Variants in LRSAM1 observed in about 807,000 individuals in gnomAD.
LRSAM1 encodes E3 ubiquitin-protein ligase LRSAM1.
In LRSAM1, 96 loss-of-function variants were observed where a neutral mutation model predicts 118.1. That is an observed-to-expected ratio of 0.81 (90% CI 0.69 to 0.96). LRSAM1 has a LOEUF of 0.96. Ranked by LOEUF, LRSAM1 falls within the 40% of genes least tolerant of loss-of-function variation. The probability of loss-of-function intolerance (pLI) is 0.00; values close to 1 mark genes in which losing one functional copy is unlikely to be tolerated. For synonymous variants in LRSAM1, 322 were observed against 364.2 expected (o/e 0.88, Z 1.32); for missense variants, 804 against 915.5 (o/e 0.88, Z 1.57).
chr9:127,462,205 G>A (rs1445498771), intron 8 of LRSAM1, 47 bp from the exon 9 acceptor site: 2 of 1,612,164 alleles, frequency 1.2e-6, no homozygotes, highest in Non-Finnish European at 1.7e-6. Context: ...CAGGAAGCTG[G>A]TGATGGGGAT....
intron 7 of LRSAM1, among the ~76,000 whole-genome samples, 169 bp from the exon 8 acceptor site, chr9:127,461,004 T>A (rs914581420): frequency 2.6e-5 from 4 of 151,950 alleles, no homozygotes; most frequent in East Asian, 3.9e-4. Flanking sequence ...TACAGGTGTG[T>A]GCCACCATGC....
rs149191668 is a variant in LRSAM1, at chr9:127,457,065, G to A, written c.175-251G>A. ...GGTTATGATCAGGATGGCTGCAGGG[G>A]GATCCCTTCTCAGATGGAAGGAAGA... is the stretch of plus-strand genomic sequence containing the variant. On this transcript the variant is annotated intron_variant, in intron 5 of 25. Coordinates refer to ENST00000300417, the MANE Select transcript of LRSAM1 (RefSeq NM_001005373.4). Among the ~76,000 whole-genome samples the A allele has an allele frequency of 3.3e-4, 51 of 152,298 alleles. 1 individual carries two copies. Among genetic ancestry groups the A allele is most frequent in the African/African-American group, 1.2e-3 (50 of 41,576 alleles).
intron 6 of LRSAM1, among the ~76,000 whole-genome samples, chr9:127,458,600 A>AAAATT (rs1182800611): frequency 2.0e-5 from 3 of 151,840 alleles, no homozygotes; most frequent in South Asian, 2.1e-4. Flanking sequence ...AAAATAAAAT[A>AAAATT]AAATTAAATT....
Position 127,484,807 on chromosome 9 carries a change from T to TTC in LRSAM1, c.1160-928_1160-927insCT, listed in dbSNP as rs201800688. Among the ~76,000 whole-genome samples the TTC allele has an allele frequency of 3.6e-3, 465 of 130,266 alleles. 16 individuals are homozygous for TTC. Among genetic ancestry groups the TTC allele is most frequent in the East Asian group, 7.9e-3 (40 of 5,054 alleles). 85.5% of individuals were successfully genotyped at this position (130,266 alleles called of 152,430 possible). ...ATTTTAATTTTTTGATTTTTCTTTT[T>TTC]TTCTTTTTTTTTTTTTTTTGAGATA... On this transcript the variant is annotated intron_variant, in intron 16 of 25. Transcript: ENST00000300417.
intron 20 of LRSAM1, 146 bp from the exon 21 acceptor site, chr9:127,492,656 C>T: frequency 1.4e-6 from 1 of 739,164 alleles, no homozygotes; most frequent in Non-Finnish European, 2.4e-6. Context: ...GCAGAAGGGC[C>T]TCTTAGCTTT....
intron 14 of LRSAM1, 151 bp downstream of exon 14, chr9:127,480,129 G>C (rs1455071375): frequency 1.9e-6 from 2 of 1,030,224 alleles, no homozygotes; most frequent in Admixed American, 2.1e-5. Flanking sequence ...ACTGGCACCA[G>C]CGTAGAGAGA....
At chr9:127,467,974 C>T in intron 10 of LRSAM1, 144 bp downstream of exon 10, 1 of 763,050 alleles carries the variant, frequency 1.3e-6, no homozygotes, top group Admixed American at 2.1e-5. Flanking sequence ...GCAAGGGAAA[C>T]AGGCAAAACA....
At chr9:127,482,813 G>A (rs192282483) in intron 15 of LRSAM1, 137 bp from the exon 16 acceptor site, 9 of 762,352 alleles carry the variant, frequency 1.2e-5, no homozygotes, top group African/African-American at 5.2e-5. Flanking sequence ...CTTGTGATGC[G>A]GTAGGCATCC....
rs1207898544 is a variant in LRSAM1 at position 127,472,628 on chromosome 9, A to G, written c.620-1173A>G. Among the ~76,000 whole-genome samples, 14 of 152,132 alleles carry G rather than the reference A, an allele frequency of 9.2e-5. No individual in the cohort carries two copies. In the East Asian group the frequency reaches 2.7e-3, roughly 29 times the overall value. ...TGCACTCCAGCCTGGGTGACAGAGC[A>G]AGACTCCATCTCAAAAAATAAATAA... On this transcript the variant is annotated intron_variant, in intron 10 of 25. Transcript: ENST00000300417.
Position 127,479,927 on chromosome 9 carries a change from C to T in LRSAM1, c.992C>T (p.Thr331Met), listed in dbSNP as rs775480266. ...CGGCTGCAGGAGCAGCTGAAGCAGA[C>T]GGAACAGAACATTTCCAGCCGGATC... ...RQRLQEQLKQ[T>M]EQNISSRIQK... Residue 331 changes from threonine (T) to methionine (M), a missense_variant, in exon 14 of 26, where the codon ACG becomes ATG. By Grantham distance (81) the Thr-to-Met change is moderately conservative. Coordinates refer to ENST00000300417, the MANE Select transcript of LRSAM1 (RefSeq NM_001005373.4). The T allele has an allele frequency of 2.7e-5, 43 of 1,614,070 alleles. No homozygotes were observed. The highest frequency in any genetic ancestry group is 3.0e-5 in the Non-Finnish European group (35 of 1,180,044).
intron 21 of LRSAM1, among the ~76,000 whole-genome samples, chr9:127,494,169 G>A (rs540995312): frequency 7.3e-4 from 111 of 152,352 alleles, no homozygotes; most frequent in African/African-American, 2.5e-3. Flanking sequence ...CAGCCCATCC[G>A]GCTCCTGGGC....
Position 127,462,388 on chromosome 9 carries a change from G to T in LRSAM1, c.528+15G>T. The T allele has an allele frequency of 1.2e-6, 2 of 1,613,738 alleles. No individual in the cohort carries two copies. The highest frequency in any genetic ancestry group is 2.2e-5 in the South Asian group (2 of 91,066). On this transcript the variant is annotated intron_variant, in intron 9 of 25. Transcript: ENST00000300417. ...GAACCCTGGAGGTAAATGGGAAGCT[G>T]TTCTTGCCTGGGGTGCTCTCTGGCC...
Position 127,462,373 on chromosome 9 carries a change from G to A in LRSAM1, c.528G>A (p.Glu176=), listed in dbSNP as rs1564255509. 3.7e-6 allele frequency: 6 copies of A among 1,613,870 alleles called. No homozygotes were observed. The highest frequency in any genetic ancestry group is 5.1e-6 in the Non-Finnish European group (6 of 1,179,886). The part of the protein sequence containing the change: ...PQMLAHVRTL[E]MLSLDASAMV... ...TGCTGGCTCACGTTCGAACCCTGGA[G>A]GTAAATGGGAAGCTGTTCTTGCCTG... The change falls in exon 9 of 26, where the codon GAG becomes GAA. Residue 176 remains glutamate (E), a splice_region_variant and synonymous_variant. Transcript: ENST00000300417.
chr9:127,477,765 G>T (rs1311859779), intron 11 of LRSAM1, among the ~76,000 whole-genome samples: 1 of 151,278 alleles, frequency 6.6e-6, no homozygotes. Flanking sequence ...AAACTTGTGT[G>T]GGCCGGGCGC....
At chr9:127,499,645 T>C (rs1836296152) in intron 24 of LRSAM1, among the ~76,000 whole-genome samples, 1 of 152,012 alleles carries the variant, frequency 6.6e-6, no homozygotes, top group South Asian at 2.1e-4. Flanking sequence ...AAATCTTTAG[T>C]TGTGGCCGGG....
chr9:127,458,617 T>A (rs1834616888), intron 6 of LRSAM1, among the ~76,000 whole-genome samples: 2 of 151,872 alleles, frequency 1.3e-5, no homozygotes, highest in South Asian at 4.2e-4. Flanking sequence ...AATTAAAAAT[T>A]AGCAAGTACA....
At chr9:127,487,891 G>GAGGT (rs1273314225) in intron 18 of LRSAM1, 128 bp downstream of exon 18, 3 of 765,548 alleles carry the variant, frequency 3.9e-6, no homozygotes, top group Non-Finnish European at 6.3e-6. Context: ...TGTGACCATA[G>GAGGT]AGGTGTACAA....
Position 127,458,970 on chromosome 9 carries a change from A to T in LRSAM1, c.253-33A>T, listed in dbSNP as rs200041999. The T allele has an allele frequency of 5.5e-5, 89 of 1,611,642 alleles. No individual in the cohort carries two copies. In the East Asian group the frequency reaches 2.0e-3, roughly 36 times the overall value. On this transcript the variant is annotated intron_variant, in intron 6 of 25. Transcript: ENST00000300417. ...AGCCCGGAGTCTGAGGGACTTTCTCACTTGGAGACTCACAGGGGTCTTTCT... is the reference window on the plus strand; with the variant it reads ...AGCCCGGAGTCTGAGGGACTTTCTCTCTTGGAGACTCACAGGGGTCTTTCT...
chr9:127,466,138 A>G (rs1444997080), intron 9 of LRSAM1, among the ~76,000 whole-genome samples: 2 of 151,976 alleles, frequency 1.3e-5, no homozygotes, highest in East Asian at 3.9e-4. Context: ...GTGAAACCCC[A>G]TCTCTACTAA....
Sources: allele counts gnomAD v4.1 joint callset (sites outside exome capture counted in the v4.1 genomes callset), GRCh38; gene constraint gnomAD v4.1.1; transcripts MANE v1.5; gene names NCBI Gene and HGNC (gene_info 2026-07-23, HGNC 2026-07-21).